CTNNA2: variants seen among roughly 807,000 people sequenced by gnomAD.
CTNNA2 encodes the protein catenin alpha-2.
In CTNNA2, 42 loss-of-function variants were observed where a neutral mutation model predicts 101.0. The ratio of observed to expected loss-of-function variants is 0.42; its 90% confidence interval spans 0.32 to 0.54. The LOEUF (loss-of-function observed/expected upper bound fraction) is 0.54, where lower values mean the gene tolerates loss of function less well. CTNNA2 is among the 20% of genes least tolerant of loss of function. CTNNA2 has a pLI of 0.14. For synonymous variants in CTNNA2, 450 were observed against 456.4 expected (o/e 0.99, Z 0.18); for missense variants, 871 against 1,223.1 (o/e 0.71, Z 4.29).
intron 3 of CTNNA2, among the ~76,000 whole-genome samples, chr2:79,369,892 T>C (rs1167705488): frequency 6.6e-6 from 1 of 152,242 alleles, no homozygotes; most frequent in Non-Finnish European, 1.5e-5. Context: ...TGCTAGCGTG[T>C]AATTTCACAA....
chr2:80,645,396 G>A (rs557058987), intron 18 of CTNNA2, among the ~76,000 whole-genome samples: 2 of 152,244 alleles, frequency 1.3e-5, no homozygotes, highest in South Asian at 4.1e-4. Flanking sequence ...TAAAATTCAT[G>A]TGAGATAACT....
intron 12 of CTNNA2, among the ~76,000 whole-genome samples, chr2:80,571,196 C>A (rs72918807): frequency 0.026 from 3,902 of 152,178 alleles, 111 homozygotes; most frequent in East Asian, 0.12. Context: ...TGTGTTCATG[C>A]AGGTTGGGGT....
chr2:79,838,178 G>A (rs191100260), intron 3 of CTNNA2, among the ~76,000 whole-genome samples: 168 of 152,258 alleles, frequency 1.1e-3, no homozygotes, highest in African/African-American at 3.6e-3. Context: ...TACTCATTGA[G>A]CTCAGTTTAG....
At chr2:80,157,914 G>C (rs1027233846) in intron 7 of CTNNA2, among the ~76,000 whole-genome samples, 5 of 152,104 alleles carry the variant, frequency 3.3e-5, no homozygotes, top group Admixed American at 6.5e-5. Context: ...ATACAGACTG[G>C]CAGGAAATTT....
At chr2:80,449,685 C>T (rs76779226) in intron 9 of CTNNA2, among the ~76,000 whole-genome samples, 1 of 152,172 alleles carries the variant, frequency 6.6e-6, no homozygotes, top group East Asian at 1.9e-4. Flanking sequence ...ATCCAGTGAT[C>T]AATAAGGATG....
intron 9 of CTNNA2, among the ~76,000 whole-genome samples, chr2:80,448,483 A>G (rs1683237576): frequency 1.3e-5 from 2 of 152,270 alleles, no homozygotes; most frequent in East Asian, 3.9e-4. Context: ...AATCCTGACT[A>G]CACATTAGCA....
At chr2:79,303,188 T>C (rs1676153684) in intron 2 of CTNNA2, among the ~76,000 whole-genome samples, 1 of 151,998 alleles carries the variant, frequency 6.6e-6, no homozygotes, top group African/African-American at 2.4e-5. Flanking sequence ...CAACACAAGG[T>C]CTTCAACTCA....
intron 1 of CTNNA2, among the ~76,000 whole-genome samples, chr2:79,579,217 T>G (rs1437888809): frequency 7.0e-6 from 1 of 143,742 alleles, no homozygotes; most frequent in Non-Finnish European, 1.5e-5. Context: ...CTTCCCTCCC[T>G]CCCTCTATCC....
chr2:79,740,887 A>T (rs1384257739), intron 2 of CTNNA2, among the ~76,000 whole-genome samples: 1 of 152,126 alleles, frequency 6.6e-6, no homozygotes, highest in Non-Finnish European at 1.5e-5. Flanking sequence ...CCCGTGAAAT[A>T]ACAAGATAGA....
intron 7 of CTNNA2, among the ~76,000 whole-genome samples, chr2:80,167,083 T>C (rs975022156): frequency 9.2e-5 from 14 of 151,970 alleles, no homozygotes; most frequent in Admixed American, 7.2e-4. Flanking sequence ...ATTTTACTGG[T>C]ACTTAGCAGG....
intron 7 of CTNNA2, among the ~76,000 whole-genome samples, chr2:79,972,113 A>G (rs518046): frequency 2.0e-5 from 3 of 152,018 alleles, no homozygotes; most frequent in Admixed American, 2.0e-4. Flanking sequence ...GGGACCATAC[A>G]AGAACATGAA....
chr2:80,522,811 T>G (rs1689686440), intron 9 of CTNNA2, among the ~76,000 whole-genome samples: 1 of 152,174 alleles, frequency 6.6e-6, no homozygotes, highest in Non-Finnish European at 1.5e-5. Flanking sequence ...TGCAAAACCA[T>G]GAGCTGATTA....
intron 7 of CTNNA2, among the ~76,000 whole-genome samples, chr2:80,060,550 C>T (rs73940927): frequency 0.036 from 5,491 of 152,312 alleles, 337 homozygotes; most frequent in African/African-American, 0.12. Context: ...CTACCTCTCC[C>T]CAGCATCTCT....
At chr2:80,104,957 T>C (rs918476018) in intron 7 of CTNNA2, among the ~76,000 whole-genome samples, 2 of 152,194 alleles carry the variant, frequency 1.3e-5, no homozygotes, top group Non-Finnish European at 2.9e-5. Flanking sequence ...ATTTCAATGA[T>C]TGTAATGAAT....
At position 80,302,747 on chromosome 2, in the gene CTNNA2, T is replaced by A; in HGVS notation, c.1057-90464T>A. 1.2e-6 allele frequency: 2 copies of A among 1,613,130 alleles called. No homozygotes were observed. Among genetic ancestry groups the A allele is most frequent in the Non-Finnish European group, 1.7e-6 (2 of 1,179,880 alleles). ...CCCATCCTCGCACAGGTGGAAGGCG[T>A]ACACGGCGTCCAGGACGTCCTCGCC... On this transcript the variant is annotated intron_variant, in intron 7 of 18. Transcript: ENST00000402739. This position sits in a 1 kb window ranked among gnomAD's most constrained non-coding sequence, Gnocchi z 6.4.
intron 7 of CTNNA2, among the ~76,000 whole-genome samples, chr2:80,160,424 C>T (rs750860047): frequency 1.3e-5 from 2 of 152,088 alleles, no homozygotes; most frequent in Non-Finnish European, 2.9e-5. Flanking sequence ...ATCTTCCAAC[C>T]AATGAACACA....
chr2:80,023,392 C>T (rs13394727), intron 7 of CTNNA2, among the ~76,000 whole-genome samples: 8,221 of 152,082 alleles, frequency 0.054, 636 homozygotes, highest in African/African-American at 0.17. Flanking sequence ...ATTATTTCTG[C>T]AATTAGTTCC....
intron 3 of CTNNA2, among the ~76,000 whole-genome samples, chr2:79,799,719 AT>A (rs2105291499): frequency 6.6e-6 from 1 of 152,338 alleles, no homozygotes; most frequent in Non-Finnish European, 1.5e-5. Context: ...GGAGCTTCAA[AT>A]TCACAGTCTT....
At chr2:79,384,789 A>C (rs1427706505) in intron 4 of CTNNA2, among the ~76,000 whole-genome samples, 3 of 151,992 alleles carry the variant, frequency 2.0e-5, no homozygotes, top group Non-Finnish European at 2.9e-5. Flanking sequence ...AAGTCCAGCC[A>C]TCCCACCTTC....
Sources: allele counts gnomAD v4.1 joint callset (sites outside exome capture counted in the v4.1 genomes callset), GRCh38; gene constraint gnomAD v4.1.1; non-coding constraint Gnocchi (gnomAD v3.1); transcripts MANE v1.5; gene names NCBI Gene and HGNC (gene_info 2026-07-23, HGNC 2026-07-21).